Variants in PALM2AKAP2 observed in about 807,000 individuals in gnomAD.
The protein encoded by PALM2AKAP2 is PALM2-AKAP2 fusion protein.
Under a neutral mutation model 71.5 loss-of-function variants are expected in PALM2AKAP2, and 37 were observed. That is an observed-to-expected ratio of 0.52 (90% CI 0.40 to 0.68). The LOEUF is 0.68. Ranked by LOEUF, PALM2AKAP2 falls within the 30% of genes least tolerant of loss-of-function variation. The pLI is 0.00. For synonymous variants in PALM2AKAP2, 468 were observed against 478.8 expected (o/e 0.98, Z 0.29); for missense variants, 1,224 against 1,191.8 (o/e 1.03, Z -0.40).
intron 6 of PALM2AKAP2, among the ~76,000 whole-genome samples, chr9:110,015,381 C>T (rs534808057): frequency 1.9e-4 from 29 of 152,132 alleles, no homozygotes; most frequent in Admixed American, 1.0e-3. Flanking sequence ...GGTGGATCAC[C>T]GGAGGTCAGG....
chr9:110,061,531 G>C (rs1833964760), intron 1 of PALM2AKAP2, among the ~76,000 whole-genome samples: 1 of 151,554 alleles, frequency 6.6e-6, no homozygotes, highest in East Asian at 1.9e-4. Flanking sequence ...CTGAAAGTCA[G>C]GCCCTATTTC....
chr9:109,816,564 G>A (rs1057362781), intron 1 of PALM2AKAP2, among the ~76,000 whole-genome samples: 7 of 152,192 alleles, frequency 4.6e-5, no homozygotes, highest in Admixed American at 1.3e-4. Context: ...AGTGCAGATC[G>A]TTGAGGAGAG....
intron 1 of PALM2AKAP2, among the ~76,000 whole-genome samples, chr9:110,132,068 T>A (rs1588126480): frequency 7.3e-6 from 1 of 136,696 alleles, no homozygotes; most frequent in East Asian, 2.2e-4. Context: ...TGTGTGTGTG[T>A]GTGATGGAGT....
intron 6 of PALM2AKAP2, among the ~76,000 whole-genome samples, chr9:110,011,805 A>G (rs778823800): frequency 1.3e-5 from 2 of 152,148 alleles, no homozygotes; most frequent in African/African-American, 4.8e-5. Flanking sequence ...GGGAGCTCCC[A>G]TGGGCACACA....
intron 3 of PALM2AKAP2, among the ~76,000 whole-genome samples, chr9:109,888,602 C>G (rs570691470): frequency 6.7e-5 from 10 of 149,646 alleles, no homozygotes; most frequent in Middle Eastern, 7.1e-3. Context: ...CCCAGCTACT[C>G]AGGAGGCTGA....
At chr9:109,836,549 GAGA>G (rs1828484046) in intron 1 of PALM2AKAP2, among the ~76,000 whole-genome samples, 1 of 152,234 alleles carries the variant, frequency 6.6e-6, no homozygotes, top group Non-Finnish European at 1.5e-5. Context: ...GATGAGTTGA[GAGA>G]AGAAGGCTTC....
At chr9:109,757,906 A>G (rs549254856) in intron 1 of PALM2AKAP2, among the ~76,000 whole-genome samples, 2 of 152,134 alleles carry the variant, frequency 1.3e-5, no homozygotes, top group East Asian at 1.9e-4. Context: ...TTTACTTTCA[A>G]GAAGGTAATA....
At chr9:109,743,477 C>T (rs750190315) in intron 1 of PALM2AKAP2, among the ~76,000 whole-genome samples, 4 of 152,236 alleles carry the variant, frequency 2.6e-5, no homozygotes, top group African/African-American at 4.8e-5. Context: ...AATGGAGGGC[C>T]GGCATTGATG....
intron 1 of PALM2AKAP2, among the ~76,000 whole-genome samples, chr9:109,697,253 G>A (rs900086089): frequency 3.9e-5 from 6 of 152,038 alleles, no homozygotes; most frequent in African/African-American, 1.4e-4. Context: ...AAAAAAGCAA[G>A]TTATAGATTA....
chr9:109,648,770 A>G (rs147520479), intron 1 of PALM2AKAP2, among the ~76,000 whole-genome samples: 1 of 152,194 alleles, frequency 6.6e-6, no homozygotes, highest in African/African-American at 2.4e-5. Flanking sequence ...TTCATCAATG[A>G]CATCCTCTTT....
intron 7 of PALM2AKAP2, among the ~76,000 whole-genome samples, chr9:110,032,485 G>A (rs1833297965): frequency 6.6e-6 from 1 of 152,116 alleles, no homozygotes; most frequent in African/African-American, 2.4e-5. Flanking sequence ...GAGGTCAGGA[G>A]TTTGAGACTA....
chr9:110,165,907 A>G (rs899476766), intron 3 of PALM2AKAP2, among the ~76,000 whole-genome samples: 5 of 152,238 alleles, frequency 3.3e-5, no homozygotes, highest in African/African-American at 4.8e-5. Flanking sequence ...TTGTTTGAGA[A>G]TTAAAATAGG....
At chr9:109,806,305 A>G (rs1827571159) in intron 1 of PALM2AKAP2, among the ~76,000 whole-genome samples, 1 of 152,244 alleles carries the variant, frequency 6.6e-6, no homozygotes, top group Non-Finnish European at 1.5e-5. Context: ...GCTTAAAGCT[A>G]TGAAGTCATG....
At chr9:110,103,905 T>C (rs1288855567) in intron 1 of PALM2AKAP2, among the ~76,000 whole-genome samples, 1 of 152,358 alleles carries the variant, frequency 6.6e-6, no homozygotes, top group East Asian at 1.9e-4. Flanking sequence ...CTTTCTTTCT[T>C]GTTCAGACTT....
chr9:109,922,682 T>C (rs758905148), intron 3 of PALM2AKAP2, among the ~76,000 whole-genome samples: 2 of 152,186 alleles, frequency 1.3e-5, no homozygotes, highest in African/African-American at 4.8e-5. Flanking sequence ...CCTGAAGACA[T>C]TGCTGCATAT....
chr9:109,720,789 G>A, intron 1 of PALM2AKAP2, among the ~76,000 whole-genome samples: 1 of 152,334 alleles, frequency 6.6e-6, no homozygotes, highest in South Asian at 2.1e-4. Flanking sequence ...CTGTGGATTT[G>A]TTCACTCATT....
intron 1 of PALM2AKAP2, among the ~76,000 whole-genome samples, chr9:109,716,334 A>G (rs1828318691): frequency 6.6e-6 from 1 of 152,166 alleles, no homozygotes; most frequent in African/African-American, 2.4e-5. Context: ...AAATAGATAG[A>G]TAAACTCTAT....
chr9:109,889,724 G>A (rs1167409361), intron 3 of PALM2AKAP2, among the ~76,000 whole-genome samples: 1 of 152,198 alleles, frequency 6.6e-6, no homozygotes, highest in African/African-American at 2.4e-5. Flanking sequence ...ATGTACCAGA[G>A]TCATCGTGCC....
chr9:110,014,997 C>A (rs1001955700), intron 6 of PALM2AKAP2, among the ~76,000 whole-genome samples: 10 of 151,358 alleles, frequency 6.6e-5, no homozygotes, highest in African/African-American at 1.7e-4. Flanking sequence ...CACACTGGCC[C>A]CTGATCTTTT....
Sources: gnomAD v4.1 joint callset for allele counts (sites outside exome capture counted in the v4.1 genomes callset) on GRCh38, gnomAD v4.1.1 for gene constraint, MANE v1.5 for transcripts, NCBI Gene and HGNC (gene_info 2026-07-23, HGNC 2026-07-21) for gene names.